IL17REL: variants seen among roughly 807,000 people sequenced by gnomAD.
IL17REL encodes interleukin-17 receptor E-like protein.
A neutral mutation model predicts 49.0 loss-of-function variants in IL17REL; 36 were observed. The observed-to-expected ratio is 0.73, with a 90% CI of 0.56 to 0.97. The LOEUF (loss-of-function observed/expected upper bound fraction) is 0.97. Among genes scored for constraint, IL17REL ranks in the 50% least tolerant of loss-of-function variants. The probability of loss-of-function intolerance (pLI) is 0.00; values close to 1 mark genes in which losing one functional copy is unlikely to be tolerated. For missense variants in IL17REL, 470 were observed against 453.9 expected (o/e 1.04, Z -0.32); for synonymous variants, 206 against 192.4 (o/e 1.07, Z -0.58).
intron 3 of IL17REL, 40 bp from the exon 5 acceptor site, chr22:50,000,632 A>C (rs761174785): frequency 2.5e-6 from 4 of 1,580,316 alleles, no homozygotes; most frequent in Non-Finnish European, 3.5e-6. Flanking sequence ...ACTCAGAGGC[A>C]CTGCCCACCC....
chr22:50,003,739 C>A (rs2061091952), intron 1 of IL17REL, among the ~76,000 whole-genome samples: 1 of 152,090 alleles, frequency 6.6e-6, no homozygotes, highest in African/African-American at 2.4e-5. Context: ...TAAAGATGAT[C>A]TGTGAAAAAT....
At chr22:49,994,168 A>G (rs557633141), downstream of IL17REL, among the ~76,000 whole-genome samples, 200 of 151,952 alleles carry the variant, frequency 1.3e-3, no homozygotes, top group African/African-American at 4.7e-3. Context: ...CACCCTGTCC[A>G]TGCCCCCCAC....
chr22:50,007,742 C>A (rs887697587), intron 1 of IL17REL, among the ~76,000 whole-genome samples: 4 of 152,002 alleles, frequency 2.6e-5, no homozygotes, highest in African/African-American at 9.7e-5. Context: ...GTCATCCTTG[C>A]GCAGGGGCCA....
intron 4 of IL17REL, 84 bp downstream of exon 5, chr22:50,000,394 G>A: frequency 1.8e-5 from 18 of 1,019,068 alleles, no homozygotes; most frequent in Non-Finnish European, 2.7e-5. Context: ...TGAGGGCCAG[G>A]CCCCTGCCCT....
Position 49,999,345 on chromosome 22 carries a change from C to G in IL17REL, c.547G>C (p.Gly183Arg), listed in dbSNP as rs557149104. 3.2e-5 allele frequency: 52 copies of G among 1,612,982 alleles called. No individual in the cohort carries two copies. In the South Asian group the frequency reaches 5.2e-4, roughly 16 times the overall value. Residue 183 changes from glycine (G) to arginine (R), a missense_variant and splice_region_variant, in exon 7 of 13, where the codon GGC becomes CGC. Transcript: ENST00000341280. Reference sequence around the variant, plus strand: ...ACCGCGTCAGGGGTCGCAGACCAGCCCTGTGGGAGGGGCTGGGGTCAGCGC... The same window carrying G: ...ACCGCGTCAGGGGTCGCAGACCAGCGCTGTGGGAGGGGCTGGGGTCAGCGC...
intron 9 of IL17REL, 59 bp downstream of exon 11, chr22:49,997,966 C>A: frequency 1.3e-6 from 2 of 1,582,708 alleles, no homozygotes; most frequent in Non-Finnish European, 1.7e-6. Flanking sequence ...CACTCCCCGC[C>A]CTGATGCCCC....
At chr22:50,010,319 G>A (rs564440043), upstream of IL17REL, among the ~76,000 whole-genome samples, 1 of 152,374 alleles carries the variant, frequency 6.6e-6, no homozygotes, top group Non-Finnish European at 1.5e-5. Context: ...CCAGGCAAAA[G>A]GGGCCGGGCT....
At chr22:50,000,991 A>G in intron 2 of IL17REL, 91 bp downstream of exon 3, 1 of 1,273,854 alleles carries the variant, frequency 7.9e-7, no homozygotes. Flanking sequence ...CTCCCTCACC[A>G]GGCCGCCCAA....
intron 5 of IL17REL, among the ~76,000 whole-genome samples, 140 bp downstream of exon 7, chr22:49,999,665 CGGGGGCGGGGCGCGGAGGTGGGT>C (rs2061063042): frequency 2.9e-5 from 3 of 105,252 alleles, no homozygotes; most frequent in Non-Finnish European, 6.1e-5. Flanking sequence ...CAGGCCTGGC[CGGGGGCGGGGCGCGGAGGTGGGT>C]GGGGCCTAGG....
intron 7 of IL17REL, 115 bp from the exon 10 acceptor site, chr22:49,998,424 G>T: frequency 1.5e-6 from 1 of 661,796 alleles, no homozygotes; most frequent in Non-Finnish European, 2.4e-6. Flanking sequence ...GCAGTCCTAT[G>T]GGTCTCTGAG....
intron 1 of IL17REL, among the ~76,000 whole-genome samples, chr22:50,001,865 G>T (rs900220478): frequency 1.3e-5 from 2 of 152,240 alleles, no homozygotes; most frequent in African/African-American, 4.8e-5. Flanking sequence ...TGGCAACCCA[G>T]CTGTTCCACA....
chr22:50,002,738 G>A (rs5771081), intron 1 of IL17REL, among the ~76,000 whole-genome samples: 35,015 of 151,840 alleles, frequency 0.23, 4,264 homozygotes, highest in South Asian at 0.38. Context: ...CAGGTGATCC[G>A]CCCACCTCGG....
intron 1 of IL17REL, among the ~76,000 whole-genome samples, chr22:50,005,530 G>A (rs776721798): frequency 1.3e-5 from 2 of 152,098 alleles, no homozygotes; most frequent in African/African-American, 2.4e-5. Flanking sequence ...GGCCGGGCGC[G>A]GTGGCTCACG....
At chr22:49,999,802 C>G (rs1254639456) in intron 5 of IL17REL, 26 bp downstream of exon 7, 2 of 1,477,514 alleles carry the variant, frequency 1.4e-6, no homozygotes, top group African/African-American at 1.5e-5. Context: ...CTAAGGCTGA[C>G]CGGGGCCCGG....
At chr22:50,004,985 A>AG (rs1269955516) in intron 1 of IL17REL, among the ~76,000 whole-genome samples, 1 of 151,504 alleles carries the variant, frequency 6.6e-6, no homozygotes, top group East Asian at 1.9e-4. Context: ...AAAAAAAAAA[A>AG]AAAAAAAGGT....
chr22:50,004,872 C>T (rs1351002221), intron 1 of IL17REL, among the ~76,000 whole-genome samples: 1 of 150,302 alleles, frequency 6.7e-6, no homozygotes, highest in African/African-American at 2.5e-5. Flanking sequence ...AGACAACCTC[C>T]TTTATGCAAG....
downstream of IL17REL, among the ~76,000 whole-genome samples, chr22:49,992,942 C>T (rs1448540055): frequency 6.6e-6 from 1 of 152,288 alleles, no homozygotes; most frequent in African/African-American, 2.4e-5. Context: ...TTGCAGCTCC[C>T]CACACTCCCC....
At chr22:50,011,489 A>C (rs1222910935), upstream of IL17REL, among the ~76,000 whole-genome samples, 3 of 151,410 alleles carry the variant, frequency 2.0e-5, no homozygotes, top group Admixed American at 2.0e-4. Context: ...ATGTCTCCCA[A>C]CTCAGGGACC....
chr22:49,997,093 G>C lies in IL17REL; in HGVS notation c.975-19C>G, dbSNP rs1462004857. 1 of 1,572,788 alleles carries C rather than the reference G, an allele frequency of 6.4e-7. No homozygotes were observed. Among genetic ancestry groups the C allele is most frequent in the Non-Finnish European group, 8.6e-7 (1 of 1,162,724 alleles). ...GGTCACCCTGGGTGGGGGAGGGCAG[G>C]TCACAGGCAATGGGAGGAAGGGTGG... On this transcript the variant is annotated intron_variant, in intron 11 of 12. Coordinates refer to ENST00000341280, the Ensembl canonical transcript of IL17REL.
Sources: gnomAD v4.1 joint callset for allele counts (sites outside exome capture counted in the v4.1 genomes callset) on GRCh38, gnomAD v4.1.1 for gene constraint, MANE v1.5 for transcripts, NCBI Gene and HGNC (gene_info 2026-07-23, HGNC 2026-07-21) for gene names.